CSNK1G3: variants seen among roughly 807,000 people sequenced by gnomAD.
CSNK1G3 encodes the protein casein kinase I isoform gamma-3.
Under a neutral mutation model 64.3 loss-of-function variants are expected in CSNK1G3, and 23 were observed. The observed-to-expected ratio is 0.36, with a 90% CI of 0.26 to 0.51. The LOEUF is 0.51. Ranked by LOEUF, CSNK1G3 falls within the 20% of genes least tolerant of loss-of-function variation. CSNK1G3 has a pLI of 0.96. For missense variants in CSNK1G3, 357 were observed against 510.5 expected (o/e 0.70, Z 2.90); for synonymous variants, 158 against 162.2 (o/e 0.97, Z 0.20).
intron 1 of CSNK1G3, among the ~76,000 whole-genome samples, chr5:123,517,081 T>C (rs1777299954): frequency 6.6e-6 from 1 of 152,166 alleles, no homozygotes; most frequent in South Asian, 2.1e-4. Context: ...ATTTCAGAAG[T>C]TGCCGATAAG....
At chr5:123,596,940 A>G (rs1359717565) in intron 10 of CSNK1G3, among the ~76,000 whole-genome samples, 1 of 152,128 alleles carries the variant, frequency 6.6e-6, no homozygotes. Context: ...TTTATGTCCT[A>G]TACACTTTCA....
At chr5:123,590,948 T>G (rs1198892425) in intron 9 of CSNK1G3, among the ~76,000 whole-genome samples, 1 of 152,064 alleles carries the variant, frequency 6.6e-6, no homozygotes, top group Non-Finnish European at 1.5e-5. Flanking sequence ...TTTATTCTTT[T>G]AATTTTCTTA....
chr5:123,514,884 AGAT>A (rs1355656067), intron 1 of CSNK1G3, among the ~76,000 whole-genome samples: 4 of 152,140 alleles, frequency 2.6e-5, no homozygotes. Flanking sequence ...TTGTATTTAA[AGAT>A]GAGTCAGTTT....
intron 4 of CSNK1G3, among the ~76,000 whole-genome samples, chr5:123,567,006 AAG>A (rs952298013): frequency 1.3e-5 from 2 of 152,210 alleles, no homozygotes; most frequent in African/African-American, 2.4e-5. Context: ...TTACAAAAGA[AAG>A]AGGTTTATTA....
At chr5:123,522,726 C>CT (rs776594126) in intron 1 of CSNK1G3, among the ~76,000 whole-genome samples, 175 of 151,718 alleles carry the variant, frequency 1.2e-3, no homozygotes, top group Middle Eastern at 0.01. Flanking sequence ...AGTACAGATG[C>CT]TTTTTTTTCC....
chr5:123,517,955 T>C (rs1020583551), intron 1 of CSNK1G3, among the ~76,000 whole-genome samples: 1 of 149,532 alleles, frequency 6.7e-6, no homozygotes, highest in Non-Finnish European at 1.5e-5. Context: ...AAAAGGAAGA[T>C]CCTGTTATTC....
chr5:123,609,287 G>A (rs1795897115), intron 12 of CSNK1G3, among the ~76,000 whole-genome samples: 2 of 152,106 alleles, frequency 1.3e-5, no homozygotes, highest in South Asian at 2.1e-4. Flanking sequence ...AATTAATTTG[G>A]CAGCAGTTAT....
intron 1 of CSNK1G3, among the ~76,000 whole-genome samples, chr5:123,534,661 A>T (rs952972757): frequency 1.3e-5 from 2 of 152,114 alleles, no homozygotes; most frequent in African/African-American, 4.8e-5. Flanking sequence ...CTGCAAGCAT[A>T]TGAATTCTGC....
chr5:123,517,269 A>C (rs906674737), intron 1 of CSNK1G3, among the ~76,000 whole-genome samples: 3 of 152,214 alleles, frequency 2.0e-5, no homozygotes, highest in Non-Finnish European at 4.4e-5. Flanking sequence ...ACAGTAGACT[A>C]TTCTTTAGTT....
intron 3 of CSNK1G3, among the ~76,000 whole-genome samples, chr5:123,554,215 TG>T (rs1784198212): frequency 1.3e-5 from 2 of 152,150 alleles, no homozygotes; most frequent in Non-Finnish European, 1.5e-5. Context: ...GAAGAGAGAT[TG>T]GTTGGCTGAC....
chr5:123,592,936 T>C (rs1294615575), intron 10 of CSNK1G3, among the ~76,000 whole-genome samples: 1 of 151,930 alleles, frequency 6.6e-6, no homozygotes, highest in African/African-American at 2.4e-5. Flanking sequence ...GTTTGTGTTT[T>C]ATAAACCAGA....
chr5:123,533,966 T>C (rs1441111294), intron 1 of CSNK1G3, among the ~76,000 whole-genome samples: 4 of 152,048 alleles, frequency 2.6e-5, no homozygotes, highest in Non-Finnish European at 5.9e-5. Flanking sequence ...TTTGCTGTTC[T>C]GTTTTCTCTG....
chr5:123,578,931 T>TA (rs1789700176), intron 6 of CSNK1G3, among the ~76,000 whole-genome samples: 1 of 152,022 alleles, frequency 6.6e-6, no homozygotes, highest in African/African-American at 2.4e-5. Context: ...CAAACTTAAT[T>TA]ATCTGCTTTT....
At chr5:123,571,110 A>G (rs1319608160) in intron 4 of CSNK1G3, among the ~76,000 whole-genome samples, 1 of 152,100 alleles carries the variant, frequency 6.6e-6, no homozygotes, top group Non-Finnish European at 1.5e-5. Context: ...GATTCCCAGT[A>G]GCAAGAGGAG....
At chr5:123,612,010 C>G (rs536790794) in intron 12 of CSNK1G3, among the ~76,000 whole-genome samples, 49 of 152,186 alleles carry the variant, frequency 3.2e-4, no homozygotes, top group Non-Finnish European at 6.3e-4. Context: ...TTTTTTAAAT[C>G]CAGATCAAAT....
At chr5:123,541,272 A>G (rs1206712041) in intron 1 of CSNK1G3, among the ~76,000 whole-genome samples, 1 of 152,146 alleles carries the variant, frequency 6.6e-6, no homozygotes, top group Non-Finnish European at 1.5e-5. Context: ...TATTTTTATC[A>G]TTATGAAATG....
At chr5:123,590,557 T>C in exon 9 of CSNK1G3, 1 of 1,485,326 alleles carries the variant, frequency 6.7e-7, no homozygotes, top group Non-Finnish European at 9.0e-7. Flanking sequence ...GGTAAACAGT[T>C]GGTGAGTATT....
chr5:123,607,084 C>A (rs1795490218), intron 12 of CSNK1G3, among the ~76,000 whole-genome samples: 1 of 151,974 alleles, frequency 6.6e-6, no homozygotes, highest in Non-Finnish European at 1.5e-5. Flanking sequence ...TATCTGTAGA[C>A]ACTGGAGGAT....
intron 1 of CSNK1G3, among the ~76,000 whole-genome samples, chr5:123,525,836 A>G (rs2150032444): frequency 6.6e-6 from 1 of 151,776 alleles, no homozygotes; most frequent in South Asian, 2.1e-4. Context: ...TACTAAAAAA[A>G]CAAACAAAAA....
Sources: gnomAD v4.1 joint callset for allele counts (sites outside exome capture counted in the v4.1 genomes callset) on GRCh38, gnomAD v4.1.1 for gene constraint, MANE v1.5 for transcripts, NCBI Gene and HGNC (gene_info 2026-07-23, HGNC 2026-07-21) for gene names.